Variants in GJC1 observed in about 807,000 individuals in gnomAD.
The protein encoded by GJC1 is gap junction gamma-1 protein.
In GJC1, 5 loss-of-function variants were observed where a neutral mutation model predicts 29.3. The ratio of observed to expected loss-of-function variants is 0.17; its 90% CI spans 0.09 to 0.36. The LOEUF is 0.36. Ranked by LOEUF, GJC1 falls within the 10% of genes least tolerant of loss-of-function variation. The pLI is 1.00. For synonymous variants in GJC1, 177 were observed against 183.3 expected (o/e 0.97, Z 0.28); for missense variants, 310 against 496.2 (o/e 0.62, Z 3.56).
chr17:44,805,893 A>G lies in GJC1; in HGVS notation c.-20-56T>C, dbSNP rs1418691227. On this transcript the variant is annotated intron_variant, in intron 2 of 2. Transcript: ENST00000592524. The surrounding 1 kb of genome is among the most constrained non-coding windows in gnomAD (Gnocchi z 5.1). ...ATCAACAAATATTAAATCTTAATTT[A>G]ATTACTAATTATGATATCTCTAGGA... is the stretch of plus-strand genomic sequence containing the variant. 4 of 784,038 alleles carry G rather than the reference A, an allele frequency of 5.1e-6. No homozygotes were observed. 48.6% of individuals were successfully genotyped at this position (784,038 alleles called of 1,614,324 possible).
chr17:44,811,381 C>CT (rs745307427), intron 1 of GJC1, among the ~76,000 whole-genome samples: 2 of 146,294 alleles, frequency 1.4e-5, no homozygotes, highest in Non-Finnish European at 3.0e-5. Context: ...TGCACCTGGC[C>CT]TTTTTTCTTT....
Position 44,805,253 on chromosome 17 carries a change from C to T in GJC1, c.565G>A (p.Val189Met), listed in dbSNP as rs1391322178. ...AAATACTGCCCTATCAGAAAACCCA[C>T]CTCAAACACGGTCCTTGCCAGCAAC... Reference protein sequence around the residue: ...LQLLARTVFEVGFLIGQYFLY... With the variant: ...LQLLARTVFEMGFLIGQYFLY... The change falls in exon 3 of 3, where the codon GTG becomes ATG. Residue 189 changes from valine (V) to methionine (M), a missense_variant. By Grantham distance (21) the Val-to-Met change is conservative. Around this residue, in one of 4 missense-constraint regions of GJC1, gnomAD observed 45 missense variants for 126.2 expected, o/e 0.36. Transcript: ENST00000592524. The surrounding 1 kb of genome is among the most constrained non-coding windows in gnomAD (Gnocchi z 5.1). The T allele has an allele frequency of 6.2e-7, 1 of 1,614,198 alleles. No homozygotes were observed. The highest frequency in any genetic ancestry group is 1.7e-5 in the Admixed American group (1 of 60,022).
At chr17:44,821,697 C>CAAAAAAAAAAAAAAAAAAA (rs61303163) in intron 1 of GJC1, among the ~76,000 whole-genome samples, 2 of 58,354 alleles carry the variant, frequency 3.4e-5, no homozygotes, top group African/African-American at 1.6e-4. Flanking sequence ...AACTCCGTCT[C>CAAAAAAAAAAAAAAAAAAA]AAAAAAAAAA....
intron 1 of GJC1, among the ~76,000 whole-genome samples, chr17:44,825,188 CAAAAAAAAAAAAAAAAAAA>C (rs1162077867): frequency 4.3e-5 from 2 of 45,978 alleles, no homozygotes; most frequent in Admixed American, 3.2e-4. Flanking sequence ...GTCTCAATTA[CAAAAAAAAAAAAAAAAAAA>C]AAAAAAAAAA....
chr17:44,797,434 A>G (rs900792610), downstream of GJC1: 5 of 152,196 alleles, frequency 3.3e-5, no homozygotes, highest in Non-Finnish European at 7.3e-5. Flanking sequence ...TTACATTTTG[A>G]AAAAGTATTA....
At chr17:44,812,001 AAAAAAAC>A (rs1280943663) in intron 1 of GJC1, among the ~76,000 whole-genome samples, 84 of 150,576 alleles carry the variant, frequency 5.6e-4, no homozygotes, top group African/African-American at 7.6e-4. Flanking sequence ...ACTCTAAAAA[AAAAAAAC>A]AAAAAACAAA....
In GJC1 at chr17:44,825,976, A is replaced by C. The variant is rs183304754; in HGVS notation, c.-97+4086T>G. Among the ~76,000 whole-genome samples, 369 of 152,004 alleles carry C rather than the reference A, an allele frequency of 2.4e-3. 1 individual carries two copies. Among genetic ancestry groups the C allele is most frequent in the African/African-American group, 8.2e-3 (340 of 41,514 alleles). ...CGCTCTGTCGCCCAGGCTGGAGAGC[A>C]GTGATGCGATCTCGGCTAACTGCAA... On this transcript the variant is annotated intron_variant, in intron 1 of 2. Coordinates refer to ENST00000592524, the MANE Select transcript of GJC1 (RefSeq NM_005497.4).
intron 1 of GJC1, among the ~76,000 whole-genome samples, chr17:44,813,550 T>G (rs915489102): frequency 7.1e-6 from 1 of 141,468 alleles, no homozygotes; most frequent in African/African-American, 2.6e-5. Context: ...TGGAGTGCAG[T>G]ACCACGATCT....
At chr17:44,812,935 C>T (rs180830540) in intron 1 of GJC1, 28 of 152,300 alleles carry the variant, frequency 1.8e-4, no homozygotes, top group African/African-American at 6.7e-4. Context: ...ACGTGAGCCA[C>T]CACGCCCGGC....
At position 44,798,922 on chromosome 17, in the gene GJC1, T is replaced by A. The variant is rs1287636257; in HGVS notation, c.*5705A>T. On this transcript the variant is annotated 3_prime_UTR_variant, in exon 3 of 3. Transcript: ENST00000592524. The stretch of plus-strand genomic sequence containing the variant: ...CTCCATCACCCAAGCTGGAGTGCAG[T>A]GGTGCAATCTCAGCTCACTGCAACC... 2 of 152,286 alleles carry A rather than the reference T, an allele frequency of 1.3e-5. No individual in the cohort carries two copies. Among genetic ancestry groups the A allele is most frequent in the Non-Finnish European group, 2.9e-5 (2 of 68,084 alleles). 9.4% of individuals were successfully genotyped at this position (152,286 alleles called of 1,614,324 possible).
At chr17:44,825,239 C>G (rs989567250) in intron 1 of GJC1, among the ~76,000 whole-genome samples, 2 of 146,478 alleles carry the variant, frequency 1.4e-5, no homozygotes, top group Non-Finnish European at 3.0e-5. Context: ...GTGGCTCATG[C>G]CTGTAATCCC....
intron 1 of GJC1, among the ~76,000 whole-genome samples, chr17:44,816,112 C>CAAAAA (rs34938283): frequency 2.1e-5 from 1 of 47,434 alleles, no homozygotes; most frequent in African/African-American, 1.0e-4. Context: ...CACTCCGTCT[C>CAAAAA]AAAAAAAAAA....
chr17:44,829,982 C>A (rs1411875958), intron 1 of GJC1, 80 bp downstream of exon 1: 1 of 152,090 alleles, frequency 6.6e-6, no homozygotes, highest in East Asian at 1.9e-4. Context: ...TCCCCGGGCT[C>A]CCCAAGAGTT....
intron 1 of GJC1, among the ~76,000 whole-genome samples, chr17:44,815,502 G>A (rs2050031729): frequency 6.6e-6 from 1 of 152,048 alleles, no homozygotes; most frequent in South Asian, 2.1e-4. Context: ...ACAGTGCCTG[G>A]CAATGAATGT....
At chr17:44,823,864 A>G (rs941192273) in intron 1 of GJC1, among the ~76,000 whole-genome samples, 3 of 150,908 alleles carry the variant, frequency 2.0e-5, no homozygotes, top group Non-Finnish European at 4.4e-5. Flanking sequence ...GGCGTGTGCC[A>G]CCACACCTGG....
intron 1 of GJC1, among the ~76,000 whole-genome samples, chr17:44,821,409 T>C (rs1311115180): frequency 6.6e-6 from 1 of 152,022 alleles, no homozygotes; most frequent in South Asian, 2.1e-4. Context: ...ACCCAACCCA[T>C]ACCATCGGCT....
At chr17:44,819,911 G>A (rs1267008263) in intron 1 of GJC1, among the ~76,000 whole-genome samples, 1 of 151,874 alleles carries the variant, frequency 6.6e-6, no homozygotes, top group Non-Finnish European at 1.5e-5. Flanking sequence ...AGGCTGTAGT[G>A]CAGTGGCATG....
intron 1 of GJC1, among the ~76,000 whole-genome samples, chr17:44,816,006 G>C (rs972427718): frequency 6.6e-6 from 1 of 151,038 alleles, no homozygotes; most frequent in East Asian, 2.0e-4. Flanking sequence ...CCAGCTACTC[G>C]GGAGGCTGAG....
Position 44,804,815 on chromosome 17 carries a change from G to A in GJC1, c.1003C>T (p.Leu335=). 6.2e-7 allele frequency: 1 copy of A among 1,614,184 alleles called. No homozygotes were observed. The highest frequency in any genetic ancestry group is 8.5e-7 in the Non-Finnish European group (1 of 1,180,028). Residue 335 remains leucine (L), a synonymous_variant, in exon 3 of 3, where the codon CTG becomes TTG. Coordinates refer to ENST00000592524, the MANE Select transcript of GJC1 (RefSeq NM_005497.4). ...GSHEENLPAD[L]EALQREIRMA... is the part of the protein sequence containing the mutation. ...CTGATCTCCCGCTGCAGAGCCTCCA[G>A]GTCAGCTGGGAGGTTCTCCTCATGG...
Sources: allele counts gnomAD v4.1 joint callset (sites outside exome capture counted in the v4.1 genomes callset), GRCh38; gene constraint gnomAD v4.1.1; regional missense constraint gnomAD v4.1.1; non-coding constraint Gnocchi (gnomAD v3.1); transcripts MANE v1.5; gene names NCBI Gene and HGNC (gene_info 2026-07-23, HGNC 2026-07-21).